MCTP1: variants seen among roughly 807,000 people sequenced by gnomAD.
MCTP1 encodes multiple C2 and transmembrane domain containing 1, also known as multiple C2 and transmembrane domain-containing protein 1.
A neutral mutation model predicts 120.6 loss-of-function variants in MCTP1; 69 were observed. The ratio of observed to expected loss-of-function variants is 0.57; its 90% CI spans 0.47 to 0.70. The LOEUF (loss-of-function observed/expected upper bound fraction) is 0.70. MCTP1 is among the 30% of genes least tolerant of loss of function. The pLI is 0.00. For missense variants in MCTP1, 1,203 were observed against 1,248.8 expected (o/e 0.96, Z 0.55); for synonymous variants, 529 against 493.1 (o/e 1.07, Z -0.96).
At chr5:94,799,273 AC>A (rs1780704336) in intron 17 of MCTP1, 141 bp from the exon 18 acceptor site, 3 of 749,556 alleles carry the variant, frequency 4.0e-6, no homozygotes, top group Non-Finnish European at 4.1e-6. Context: ...AGCCTTGGAA[AC>A]TTTTAGACAT....
At chr5:95,143,047 C>A (rs971481486) in intron 1 of MCTP1, among the ~76,000 whole-genome samples, 4 of 151,902 alleles carry the variant, frequency 2.6e-5, no homozygotes, top group Non-Finnish European at 4.4e-5. Flanking sequence ...CAAAAAGCAA[C>A]AAGAATATGG....
At chr5:95,247,097 C>A (rs1377677301) in intron 1 of MCTP1, among the ~76,000 whole-genome samples, 1 of 152,128 alleles carries the variant, frequency 6.6e-6, no homozygotes, top group African/African-American at 2.4e-5. Flanking sequence ...AGAGATTCAA[C>A]TTCTTCCTGG....
intron 2 of MCTP1, among the ~76,000 whole-genome samples, chr5:94,959,391 A>G (rs1823535985): frequency 6.6e-6 from 1 of 152,210 alleles, no homozygotes; most frequent in Non-Finnish European, 1.5e-5. Flanking sequence ...CACCACTCCT[A>G]TTCAATATAG....
At chr5:94,751,847 C>A (rs1004410953) in intron 19 of MCTP1, among the ~76,000 whole-genome samples, 4 of 151,502 alleles carry the variant, frequency 2.6e-5, no homozygotes, top group Admixed American at 6.6e-5. Flanking sequence ...TCCATACTTA[C>A]CAGTCGCCTT....
intron 12 of MCTP1, among the ~76,000 whole-genome samples, chr5:94,881,175 G>A (rs1799981093): frequency 6.6e-6 from 1 of 152,144 alleles, no homozygotes; most frequent in Admixed American, 6.6e-5. Flanking sequence ...AGCACGTGGA[G>A]TTAATTTTAC....
chr5:94,706,578 G>GTTTGTT lies in MCTP1; in HGVS notation c.*917_*918insAACAAA, dbSNP rs1554073996. The GTTTGTT allele has an allele frequency of 2.7e-5, 4 of 146,670 alleles. No homozygotes were observed. The highest frequency in any genetic ancestry group is 7.5e-5 in the African/African-American group (3 of 39,878). The allele number at this position is 146,670 out of a possible 1,614,324, so 9.1% of individuals were successfully genotyped here. A position where few individuals can be genotyped will look rare whatever the true frequency, so the allele number is the denominator to read the frequency against. On this transcript the variant is annotated 3_prime_UTR_variant, in exon 23 of 23. Coordinates refer to ENST00000515393, the MANE Select transcript of MCTP1 (RefSeq NM_024717.7). ...TTTCAGTAATCTAATGAGAAAGCAG[G>GTTTGTT]TTTTTTTTTTCTCTGAGAGCACTTG...
At chr5:95,097,920 A>G (rs1198924724) in intron 1 of MCTP1, among the ~76,000 whole-genome samples, 1 of 152,222 alleles carries the variant, frequency 6.6e-6, no homozygotes, top group Non-Finnish European at 1.5e-5. Context: ...ACAGTAAGAA[A>G]TACATTATTA....
In MCTP1 at chr5:94,704,018, CTTTCAG is replaced by C. The variant is rs1280940889; in HGVS notation, c.*3472_*3477del. 1 of 148,794 alleles carries C rather than the reference CTTTCAG, an allele frequency of 6.7e-6. No homozygotes were observed. The highest frequency in any genetic ancestry group is 1.5e-5 in the Non-Finnish European group (1 of 66,904). 9.2% of individuals were successfully genotyped at this position (148,794 alleles called of 1,614,324 possible). On this transcript the variant is annotated 3_prime_UTR_variant, in exon 23 of 23. Transcript: ENST00000515393. ...AAAAGAAAAAAAAATGTTTTGTTTT[CTTTCAG>C]TGAGTTACACCAATCATCCCAGGAA...
chr5:94,803,116 G>A (rs1304052102), intron 17 of MCTP1, among the ~76,000 whole-genome samples: 6 of 152,112 alleles, frequency 3.9e-5, no homozygotes, highest in Non-Finnish European at 8.8e-5. Flanking sequence ...CTACCCCTAT[G>A]TTAGTTATCC....
chr5:94,749,670 AAAAAAAAAAAAAAAAAT>A (rs1767816218), intron 19 of MCTP1, among the ~76,000 whole-genome samples: 1 of 151,232 alleles, frequency 6.6e-6, no homozygotes, highest in African/African-American at 2.4e-5. Flanking sequence ...AAAAAAAAAA[AAAAAAAAAAAAAAAAAT>A]ATCAAGGCAG....
intron 2 of MCTP1, among the ~76,000 whole-genome samples, chr5:94,971,576 T>C (rs73774812): frequency 0.012 from 1,845 of 152,326 alleles, 34 homozygotes; most frequent in African/African-American, 0.042. Context: ...GTTTATTCTA[T>C]ATATGCACTT....
chr5:95,220,214 G>C (rs1753524784), intron 1 of MCTP1, among the ~76,000 whole-genome samples: 1 of 152,046 alleles, frequency 6.6e-6, no homozygotes, highest in Admixed American at 6.6e-5. Flanking sequence ...GTACATGAGA[G>C]ATTTTTTTGT....
intron 1 of MCTP1, among the ~76,000 whole-genome samples, chr5:95,270,271 G>A (rs1274301584): frequency 2.0e-5 from 3 of 152,170 alleles, no homozygotes; most frequent in Non-Finnish European, 4.4e-5. Context: ...AGACTCTGGT[G>A]ACATAGACCT....
chr5:95,187,072 C>G (rs1441523015), intron 1 of MCTP1, among the ~76,000 whole-genome samples: 2 of 152,154 alleles, frequency 1.3e-5, no homozygotes, highest in Non-Finnish European at 2.9e-5. Flanking sequence ...ATAAAGCTAG[C>G]ATATAATCCA....
At chr5:94,929,791 G>A (rs1814089896) in intron 6 of MCTP1, 5 of 421,670 alleles carry the variant, frequency 1.2e-5, no homozygotes, top group Non-Finnish European at 1.6e-5. Context: ...TAATATAGAT[G>A]AATATGGCAA....
intron 1 of MCTP1, among the ~76,000 whole-genome samples, chr5:95,159,061 T>A (rs548128284): frequency 3.5e-4 from 54 of 152,190 alleles, no homozygotes; most frequent in Non-Finnish European, 7.2e-4. Flanking sequence ...CTTTAGGCAA[T>A]CATACCAGAC....
intron 1 of MCTP1, among the ~76,000 whole-genome samples, chr5:95,219,583 C>A (rs115274223): frequency 2.6e-5 from 4 of 152,024 alleles, no homozygotes; most frequent in African/African-American, 7.3e-5. Context: ...TCCACTGCTA[C>A]GACAACAATA....
chr5:94,758,021 T>C (rs1770351882), intron 19 of MCTP1, among the ~76,000 whole-genome samples: 1 of 152,128 alleles, frequency 6.6e-6, no homozygotes, highest in African/African-American at 2.4e-5. Flanking sequence ...GTGTTATAGA[T>C]GGAGGCCTCA....
intron 1 of MCTP1, among the ~76,000 whole-genome samples, chr5:95,228,942 G>A (rs1754611972): frequency 2.0e-5 from 3 of 152,152 alleles, no homozygotes; most frequent in Non-Finnish European, 4.4e-5. Context: ...GAAGAACTGT[G>A]AGCCAATTAA....
Sources: gnomAD v4.1 joint callset for allele counts (sites outside exome capture counted in the v4.1 genomes callset) on GRCh38, gnomAD v4.1.1 for gene constraint, MANE v1.5 for transcripts, NCBI Gene and HGNC (gene_info 2026-07-23, HGNC 2026-07-21) for gene names.